The following RRAS2 variants were observed in gnomAD, a reference collection of about 807,000 sequenced individuals.
The protein encoded by RRAS2 is ras-related protein R-Ras2.
In RRAS2, 7 loss-of-function variants were observed where a neutral mutation model predicts 27.6. The ratio of observed to expected loss-of-function variants is 0.25; its 90% confidence interval spans 0.14 to 0.48. The LOEUF (loss-of-function observed/expected upper bound fraction) is 0.48, where lower values mean the gene tolerates loss of function less well. Ranked by LOEUF, RRAS2 falls within the 20% of genes least tolerant of loss-of-function variation. The probability of loss-of-function intolerance (pLI) is 0.99; values close to 1 mark genes in which losing one functional copy is unlikely to be tolerated. For synonymous variants in RRAS2, 86 were observed against 90.9 expected, an observed-to-expected ratio of 0.95 and a Z score of 0.31; for missense variants, 178 against 256.2, an observed-to-expected ratio of 0.69 and a Z score of 2.08.
At chr11:14,342,319 C>T (rs570071706) in intron 1 of RRAS2, among the ~76,000 whole-genome samples, 62 of 152,334 alleles carry the variant, frequency 4.1e-4, no homozygotes, top group Non-Finnish European at 6.9e-4. Flanking sequence ...CCCAGCTTCG[C>T]TTTTTACTTG....
rs35556947 is a variant in RRAS2, at chr11:14,354,672, C to CTTTT, written c.108+4087_108+4090dup. Among the ~76,000 whole-genome samples the CTTTT allele has an allele frequency of 8.2e-4, 91 of 110,394 alleles. 2 individuals carry two copies. The highest frequency in any genetic ancestry group is 2.3e-3 in the African/African-American group (65 of 28,534). The allele number at this position is 110,394 out of a possible 152,430, so 72.4% of individuals were successfully genotyped here. Reference sequence around the variant, plus strand: ...AGCAAATAAAACCAAGTAACAATTTCTTTTTTTTTTTTTTTTTTTTTGAGA... The same window carrying CTTTT: ...AGCAAATAAAACCAAGTAACAATTTCTTTTTTTTTTTTTTTTTTTTTTTTTGAGA... On this transcript the variant is annotated intron_variant, in intron 1 of 5. Coordinates refer to ENST00000256196, the MANE Select transcript of RRAS2 (RefSeq NM_012250.6).
At chr11:14,325,835 G>T (rs1848343681) in intron 1 of RRAS2, among the ~76,000 whole-genome samples, 1 of 152,112 alleles carries the variant, frequency 6.6e-6, no homozygotes, top group Non-Finnish European at 1.5e-5. Context: ...TATTCTAAAA[G>T]GGGTGTCTTC....
At chr11:14,290,571 A>G (rs1849784700) in intron 4 of RRAS2, among the ~76,000 whole-genome samples, 1 of 152,252 alleles carries the variant, frequency 6.6e-6, no homozygotes, top group Admixed American at 6.5e-5. Flanking sequence ...GCACATCCAG[A>G]GCCCAAGACA....
chr11:14,284,519 C>A (rs559939776), intron 4 of RRAS2, among the ~76,000 whole-genome samples: 1 of 152,100 alleles, frequency 6.6e-6, no homozygotes, highest in Non-Finnish European at 1.5e-5. Flanking sequence ...ATGTTGTGTT[C>A]AGTATTGTTG....
intron 4 of RRAS2, among the ~76,000 whole-genome samples, chr11:14,285,207 GAC>G (rs1849630037): frequency 6.6e-6 from 1 of 152,090 alleles, no homozygotes; most frequent in East Asian, 1.9e-4. Flanking sequence ...TTTAATTCAT[GAC>G]AGTCTAATTC....
chr11:14,325,458 G>A (rs568672990), intron 1 of RRAS2, among the ~76,000 whole-genome samples: 3 of 151,970 alleles, frequency 2.0e-5, no homozygotes, highest in Middle Eastern at 3.4e-3. Context: ...CGCCTGCCAC[G>A]ACGCCTGGCT....
At chr11:14,281,455 T>G (rs1469099234) in intron 5 of RRAS2, 147 bp downstream of exon 5, 2 of 500,156 alleles carry the variant, frequency 4.0e-6, no homozygotes, top group African/African-American at 4.1e-5. Context: ...TTTTATATTC[T>G]AGAAGTGCCT....
chr11:14,334,676 C>T (rs1028462068), intron 1 of RRAS2, among the ~76,000 whole-genome samples: 7 of 151,808 alleles, frequency 4.6e-5, no homozygotes, highest in Non-Finnish European at 1.0e-4. Context: ...TATAAATATC[C>T]TTCCCACCCT....
intron 4 of RRAS2, among the ~76,000 whole-genome samples, chr11:14,284,338 CCT>C (rs1238970442): frequency 1.3e-5 from 2 of 152,104 alleles, no homozygotes; most frequent in African/African-American, 4.8e-5. Flanking sequence ...ATCCTAGATA[CCT>C]CTCTGTTATT....
Position 14,327,508 on chromosome 11 carries a change from C to T in RRAS2, c.108+31255G>A, listed in dbSNP as rs535356472. Among the ~76,000 whole-genome samples, 12 of 152,290 alleles carry T rather than the reference C, an allele frequency of 7.9e-5. No individual in the cohort carries two copies. In the South Asian group the frequency reaches 2.5e-3, roughly 32 times the overall value. ...ATGCAATTTATGTTACCTTCAGAAG[C>T]ATTTTATCAGTACCCACAAAATTGC... On this transcript the variant is annotated intron_variant, in intron 1 of 5. Coordinates refer to ENST00000256196, the MANE Select transcript of RRAS2 (RefSeq NM_012250.6).
chr11:14,346,696 T>G (rs1591487433), intron 1 of RRAS2, among the ~76,000 whole-genome samples: 2 of 152,202 alleles, frequency 1.3e-5, no homozygotes, highest in Non-Finnish European at 2.9e-5. Context: ...AACAATATAT[T>G]GTACTCTTGT....
chr11:14,332,147 C>T (rs548542979), intron 1 of RRAS2, among the ~76,000 whole-genome samples: 2 of 152,216 alleles, frequency 1.3e-5, no homozygotes, highest in African/African-American at 4.8e-5. Context: ...ACTTACCATA[C>T]GACCCAATAA....
intron 1 of RRAS2, among the ~76,000 whole-genome samples, chr11:14,307,828 G>A (rs528211135): frequency 4.1e-4 from 62 of 152,130 alleles, no homozygotes; most frequent in Non-Finnish European, 7.9e-4. Context: ...TGTAAGTTAC[G>A]AGTAAAGGTG....
At chr11:14,332,477 CAGCAACAGA>C (rs1848499940) in intron 1 of RRAS2, among the ~76,000 whole-genome samples, 4 of 152,056 alleles carry the variant, frequency 2.6e-5, no homozygotes, top group Non-Finnish European at 5.9e-5. Flanking sequence ...ACTCAAGCCT[CAGCAACAGA>C]ATGAGACCTT....
chr11:14,325,337 A>T (rs1848329338), intron 1 of RRAS2, among the ~76,000 whole-genome samples: 1 of 141,736 alleles, frequency 7.1e-6, no homozygotes, highest in Non-Finnish European at 1.5e-5. Flanking sequence ...TTTGAGACAG[A>T]GTCTCGCTCT....
chr11:14,320,261 T>C (rs918997754), intron 1 of RRAS2, among the ~76,000 whole-genome samples: 32 of 152,238 alleles, frequency 2.1e-4, no homozygotes, highest in Non-Finnish European at 3.8e-4. Flanking sequence ...ACTAAACCTT[T>C]GGCATCCTGT....
chr11:14,299,949 C>T (rs1447429766), intron 1 of RRAS2, among the ~76,000 whole-genome samples: 1 of 152,080 alleles, frequency 6.6e-6, no homozygotes, highest in Non-Finnish European at 1.5e-5. Context: ...CAGCAATTTG[C>T]CAGAAAAGAA....
At chr11:14,308,299 C>G (rs916059852) in intron 1 of RRAS2, 1 of 451,740 alleles carries the variant, frequency 2.2e-6, no homozygotes, top group African/African-American at 2.0e-5. Flanking sequence ...AAAGAAGGAA[C>G]CCAAGAGTTT....
intron 4 of RRAS2, among the ~76,000 whole-genome samples, chr11:14,283,163 T>G (rs1564952636): frequency 6.6e-6 from 1 of 152,212 alleles, no homozygotes; most frequent in Non-Finnish European, 1.5e-5. Context: ...TTCCTGCATC[T>G]TACTGAGATG....
Sources: gnomAD v4.1 joint callset for allele counts (sites outside exome capture counted in the v4.1 genomes callset) on GRCh38, gnomAD v4.1.1 for gene constraint, MANE v1.5 for transcripts, NCBI Gene and HGNC (gene_info 2026-07-23, HGNC 2026-07-21) for gene names.